PIK3CB: variants seen among roughly 807,000 people sequenced by gnomAD.
The protein encoded by PIK3CB is phosphatidylinositol 4,5-bisphosphate 3-kinase catalytic subunit beta isoform.
Under a neutral mutation model 136.8 loss-of-function variants are expected in PIK3CB, and 39 were observed. That is an observed-to-expected ratio of 0.29 (90% CI 0.22 to 0.37). PIK3CB has a LOEUF of 0.37. PIK3CB is among the 10% of genes least tolerant of loss of function. The pLI is 1.00. For synonymous variants in PIK3CB, 428 were observed against 436.6 expected, an observed-to-expected ratio of 0.98 and a Z score of 0.25; for missense variants, 868 against 1,275.4, an observed-to-expected ratio of 0.68 and a Z score of 4.87.
chr3:138,707,605 G>A (rs1479814664), intron 10 of PIK3CB: 6 of 1,070,302 alleles, frequency 5.6e-6, no homozygotes, highest in Non-Finnish European at 6.8e-6. Context: ...AAATTAGGTG[G>A]CCCATAGAAA....
chr3:138,713,292 C>A (rs993935934), intron 9 of PIK3CB, among the ~76,000 whole-genome samples: 1 of 150,254 alleles, frequency 6.7e-6, no homozygotes, highest in Non-Finnish European at 1.5e-5. Flanking sequence ...GGATTACAGG[C>A]GTGGGCCACT....
At chr3:138,693,812 T>G (rs551037677) in intron 14 of PIK3CB, among the ~76,000 whole-genome samples, 2 of 150,876 alleles carry the variant, frequency 1.3e-5, no homozygotes, top group East Asian at 1.9e-4. Flanking sequence ...AACAGAAAAA[T>G]GTGATATAGA....
At chr3:138,693,251 G>A (rs539914629) in intron 14 of PIK3CB, among the ~76,000 whole-genome samples, 1 of 151,808 alleles carries the variant, frequency 6.6e-6, no homozygotes, top group African/African-American at 2.4e-5. Flanking sequence ...GCACCTCCAC[G>A]CCCAGCTAAT....
chr3:138,778,030 C>T, intron 2 of PIK3CB: 1 of 381,374 alleles, frequency 2.6e-6, no homozygotes. Flanking sequence ...AGCTTGTCAT[C>T]AATGAAAATA....
intron 1 of PIK3CB, among the ~76,000 whole-genome samples, chr3:138,828,738 C>T (rs1252220331): frequency 2.0e-5 from 3 of 151,864 alleles, no homozygotes; most frequent in Non-Finnish European, 4.4e-5. Flanking sequence ...CACTGGACTC[C>T]AGCTTAGGCA....
At chr3:138,742,397 C>T (rs1025126482) in intron 5 of PIK3CB, among the ~76,000 whole-genome samples, 161 bp downstream of exon 5, 1 of 152,104 alleles carries the variant, frequency 6.6e-6, no homozygotes, top group African/African-American at 2.4e-5. Flanking sequence ...TCACTTTAGA[C>T]TATTATATAT....
At chr3:138,795,492 G>A (rs184584401) in intron 2 of PIK3CB, among the ~76,000 whole-genome samples, 41 of 151,912 alleles carry the variant, frequency 2.7e-4, no homozygotes, top group African/African-American at 8.7e-4. Flanking sequence ...TTAGCTGGGC[G>A]AGGTGGCACA....
intron 12 of PIK3CB, among the ~76,000 whole-genome samples, chr3:138,700,734 GA>G: frequency 6.7e-6 from 1 of 148,152 alleles, no homozygotes; most frequent in Non-Finnish European, 1.5e-5. Flanking sequence ...TAGATAGATA[GA>G]TAGATAGATA....
chr3:138,785,383 G>A (rs2045970380), intron 2 of PIK3CB, among the ~76,000 whole-genome samples: 1 of 152,174 alleles, frequency 6.6e-6, no homozygotes, highest in Admixed American at 6.5e-5. Context: ...TAGAAAAGGG[G>A]GAAATGTGGG....
chr3:138,831,118 T>TAA (rs35265427), intron 1 of PIK3CB, among the ~76,000 whole-genome samples: 239 of 140,412 alleles, frequency 1.7e-3, no homozygotes, highest in Admixed American at 3.0e-3. Flanking sequence ...CCGTCTCTAC[T>TAA]AAAAAAAAAA....
chr3:138,712,342 A>G (rs1335326422), intron 9 of PIK3CB, 38 bp from the exon 10 acceptor site: 1 of 977,974 alleles, frequency 1.0e-6, no homozygotes, highest in African/African-American at 1.7e-5. Flanking sequence ...TATGCTAAGA[A>G]TAACTTTAAG....
At chr3:138,678,570 A>T (rs1014715092) in intron 19 of PIK3CB, among the ~76,000 whole-genome samples, 6 of 152,150 alleles carry the variant, frequency 3.9e-5, no homozygotes, top group Admixed American at 3.9e-4. Context: ...TCCTAATAAA[A>T]TACATTCATA....
chr3:138,656,382 A>C (rs2043192184), intron 22 of PIK3CB, 108 bp from the exon 23 acceptor site: 3 of 1,173,180 alleles, frequency 2.6e-6, no homozygotes, highest in Non-Finnish European at 3.6e-6. Context: ...GAATAAGAAA[A>C]TTCCTACTGA....
At chr3:138,752,587 T>TACA (rs781780349) in intron 4 of PIK3CB, among the ~76,000 whole-genome samples, 10 of 152,280 alleles carry the variant, frequency 6.6e-5, no homozygotes, top group Admixed American at 2.0e-4. Flanking sequence ...TGCATGCCTG[T>TACA]AGTCCCAGCT....
intron 2 of PIK3CB, among the ~76,000 whole-genome samples, chr3:138,768,424 T>C (rs1273964873): frequency 6.6e-6 from 1 of 152,196 alleles, no homozygotes; most frequent in African/African-American, 2.4e-5. Flanking sequence ...AGCCTGGGGC[T>C]TTTATGGGCC....
intron 1 of PIK3CB, among the ~76,000 whole-genome samples, chr3:138,802,999 T>C (rs866015185): frequency 5.9e-5 from 9 of 152,202 alleles, no homozygotes; most frequent in African/African-American, 1.9e-4. Context: ...AAAAATCTTA[T>C]GATAAATTGA....
intron 14 of PIK3CB, among the ~76,000 whole-genome samples, chr3:138,691,773 A>T (rs2044013858): frequency 8.7e-6 from 1 of 115,448 alleles, no homozygotes; most frequent in Non-Finnish European, 1.9e-5. Flanking sequence ...GATTGTTAAA[A>T]TTCATGACTG....
At chr3:138,792,439 TCTGGGCTCACTGCAGCCTCGACCTC>T (rs2046062580) in intron 2 of PIK3CB, among the ~76,000 whole-genome samples, 1 of 152,152 alleles carries the variant, frequency 6.6e-6, no homozygotes, top group African/African-American at 2.4e-5. Flanking sequence ...AGTGGTAGGA[TCTGGGCTCACTGCAGCCTCGACCTC>T]CTGGGCTCAA....
Position 138,657,787 on chromosome 3 carries a change from A to G in PIK3CB, c.2845T>C (p.Phe949Leu), listed in dbSNP as rs2043217135. The change falls in exon 22 of 24, where the codon TTT becomes CTT. Residue 949 changes from phenylalanine (F) to leucine (L), a missense_variant. Phe to Leu is a conservative substitution (Grantham distance 22, BLOSUM62 0). This residue lies in a region of PIK3CB where 88 missense variants were observed against 147.8 expected (regional missense o/e 0.60). Coordinates refer to ENST00000674063, the MANE Select transcript of PIK3CB (RefSeq NM_006219.3). ...GGCACTCGCTCCCTTTTAATGCCAA[A>G]CTTAGATTTGAAATTTCCAAGAATA... ...GHILGNFKSK[F>L]GIKRERVPFI... 6.2e-7 allele frequency: 1 copy of G among 1,613,088 alleles called. No homozygotes were observed. Among genetic ancestry groups the G allele is most frequent in the East Asian group, 2.2e-5 (1 of 44,862 alleles).
Sources: gnomAD v4.1 joint callset for allele counts (sites outside exome capture counted in the v4.1 genomes callset) on GRCh38, gnomAD v4.1.1 for gene constraint, gnomAD v4.1.1 regional missense constraint, MANE v1.5 for transcripts, NCBI Gene and HGNC (gene_info 2026-07-23, HGNC 2026-07-21) for gene names.